The following PCDHA9 variants were observed in gnomAD, a reference collection of about 807,000 sequenced individuals.
PCDHA9 encodes the protein protocadherin alpha-9.
PCDHA9 carries 62 observed loss-of-function variants against 62.0 expected under a neutral mutation model. The ratio of observed to expected loss-of-function variants is 1.00; its 90% CI spans 0.81 to 1.23. The LOEUF (loss-of-function observed/expected upper bound fraction) is 1.23, where lower values mean the gene tolerates loss of function less well. Among genes scored for constraint, PCDHA9 ranks in the 50% most tolerant of loss-of-function variants. The probability of loss-of-function intolerance (pLI) is 0.00; values close to 1 mark genes in which losing one functional copy is unlikely to be tolerated. For synonymous variants in PCDHA9, 557 were observed against 567.6 expected, an observed-to-expected ratio of 0.98 and a Z score of 0.27; for missense variants, 1,205 against 1,249.8, an observed-to-expected ratio of 0.96 and a Z score of 0.54.
chr5:140,885,936 T>G (rs994325798), intron 1 of PCDHA9, among the ~76,000 whole-genome samples: 5 of 152,198 alleles, frequency 3.3e-5, no homozygotes, highest in Admixed American at 6.5e-5. Context: ...ATCTATTTTT[T>G]GACATTTTTA....
rs572273107 is a variant in PCDHA9, at chr5:140,941,410, G to A, written c.2395-37539G>A. 1.3e-4 allele frequency among the ~76,000 whole-genome samples: 19 copies of A among 147,656 alleles called. 1 individual carries two copies. In the South Asian group the frequency reaches 3.3e-3, roughly 26 times the overall value. ...TGGCTCACTGCAACCTCCGCCTCCC[G>A]GGTTCAAGCAATTCTCTGCCTCAGC... On this transcript the variant is annotated intron_variant, in intron 1 of 3. Transcript: ENST00000532602.
At chr5:140,977,263 TAC>T (rs1466968557) in intron 1 of PCDHA9, among the ~76,000 whole-genome samples, 4 of 152,230 alleles carry the variant, frequency 2.6e-5, no homozygotes, top group Admixed American at 1.3e-4. Flanking sequence ...CAGCAGATGT[TAC>T]AGTCTTTCTC....
In PCDHA9 at chr5:140,893,407, C is replaced by T. The variant is rs782798159; in HGVS notation, c.2394+42518C>T. Among the ~76,000 whole-genome samples, 300 of 152,168 alleles carry T rather than the reference C, an allele frequency of 2.0e-3. 2 individuals are homozygous for T. The highest frequency in any genetic ancestry group is 3.7e-3 in the Non-Finnish European group (250 of 67,998). The stretch of plus-strand genomic sequence containing the variant: ...GTGGCTCATGCCTGTAATCCCAGCA[C>T]TTAGGGAGGCAGAGGCAGGAAGATC... On this transcript the variant is annotated intron_variant, in intron 1 of 3. Transcript: ENST00000532602.
chr5:140,864,192 T>A (rs528891456), intron 1 of PCDHA9: 1 of 152,324 alleles, frequency 6.6e-6, no homozygotes, highest in Admixed American at 6.5e-5. Flanking sequence ...TAATGATCCT[T>A]ATGAGAAGGT....
Position 140,856,421 on chromosome 5 carries a change from A to T in PCDHA9, c.2394+5532A>T, listed in dbSNP as rs1554148675. 3.8e-6 allele frequency: 6 copies of T among 1,598,490 alleles called. No individual in the cohort carries two copies. In the South Asian group the frequency reaches 6.6e-5, roughly 18 times the overall value. On this transcript the variant is annotated intron_variant, in intron 1 of 3. Coordinates refer to ENST00000532602, the MANE Select transcript of PCDHA9 (RefSeq NM_031857.2). ...CCATGTGGACGTGGAAGTGAAGGACATTAACGACAACCCGCCCAGGTTCTC... is the reference window on the plus strand; with the variant it reads ...CCATGTGGACGTGGAAGTGAAGGACTTTAACGACAACCCGCCCAGGTTCTC...
chr5:140,858,167 A>G, intron 1 of PCDHA9: 2 of 1,597,724 alleles, frequency 1.3e-6, no homozygotes, highest in Non-Finnish European at 1.7e-6. Flanking sequence ...CGCGGTGTCC[A>G]GCTTGCTGGT....
chr5:140,949,656 GT>G (rs782242887), intron 1 of PCDHA9, among the ~76,000 whole-genome samples: 5 of 151,274 alleles, frequency 3.3e-5, no homozygotes, highest in Non-Finnish European at 7.4e-5. Context: ...TTTTACTTTT[GT>G]TTCTTTAAAG....
In PCDHA9 at chr5:140,848,711, G is replaced by A. The variant is rs2150418509; in HGVS notation, c.216G>A (p.Gly72=). Residue 72 remains glycine, a synonymous_variant, in exon 1 of 4, where the codon GGG becomes GGA. Coordinates refer to ENST00000532602, the MANE Select transcript of PCDHA9 (RefSeq NM_031857.2). ...TCCAGTTGGATTCCAAAGGCCGCGG[G>A]GACCTTCTGGAGGTAAATCTGCAGA... ...RLFQLDSKGR[G]DLLEVNLQNG... The A allele has an allele frequency of 8.8e-6, 14 of 1,592,432 alleles. No individual in the cohort carries two copies. The highest frequency in any genetic ancestry group is 1.2e-5 in the Non-Finnish European group (14 of 1,163,302).
At chr5:140,892,553 C>T (rs2063570808) in intron 1 of PCDHA9, among the ~76,000 whole-genome samples, 1 of 152,170 alleles carries the variant, frequency 6.6e-6, no homozygotes, top group South Asian at 2.1e-4. Flanking sequence ...TTTCTCTAGT[C>T]CTTGGAGACT....
At chr5:140,928,319 A>AGAAT (rs1554205765) in intron 1 of PCDHA9, 1 of 1,614,082 alleles carries the variant, frequency 6.2e-7, no homozygotes, top group Non-Finnish European at 8.5e-7. Flanking sequence ...GACCTGGGGA[A>AGAAT]GAATGGCCTT....
At chr5:140,875,667 G>A (rs376967983) in intron 1 of PCDHA9, 10 of 1,613,820 alleles carry the variant, frequency 6.2e-6, no homozygotes, top group East Asian at 4.5e-5. Flanking sequence ...GCCTGTTCCG[G>A]GTGGCGTCCA....
intron 1 of PCDHA9, among the ~76,000 whole-genome samples, chr5:140,921,646 G>T (rs957810883): frequency 6.6e-6 from 1 of 152,124 alleles, no homozygotes; most frequent in Admixed American, 6.5e-5. Context: ...GCTATTTTAA[G>T]GGAACTTAAT....
chr5:140,925,427 G>A (rs1394500937), intron 1 of PCDHA9, among the ~76,000 whole-genome samples: 2 of 152,012 alleles, frequency 1.3e-5, no homozygotes, highest in Non-Finnish European at 2.9e-5. Context: ...CTGGTTGTAG[G>A]GTGTTAGGCA....
chr5:140,934,704 T>C (rs185443398), intron 1 of PCDHA9, among the ~76,000 whole-genome samples: 134 of 152,288 alleles, frequency 8.8e-4, no homozygotes, highest in Non-Finnish European at 1.6e-3. Context: ...TTCCTGGCCA[T>C]CTTACAAAAA....
chr5:141,002,166 G>A (rs1212034616), intron 3 of PCDHA9, among the ~76,000 whole-genome samples: 1 of 152,234 alleles, frequency 6.6e-6, no homozygotes, highest in Non-Finnish European at 1.5e-5. Context: ...TGGGCGGTAG[G>A]CAGGCTCCAG....
chr5:140,884,573 C>T, intron 1 of PCDHA9: 1 of 1,614,170 alleles, frequency 6.2e-7, no homozygotes, highest in Non-Finnish European at 8.5e-7. Flanking sequence ...TAAGACGGAC[C>T]TCATGGCCTT....
rs1031755500 is a variant in PCDHA9 at position 140,856,096 on chromosome 5, G to A, written c.2394+5207G>A. 31 of 1,597,342 alleles carry A rather than the reference G, an allele frequency of 1.9e-5. 3 individuals are homozygous for A. The Admixed American group carries it at 5.2e-4, about 27-fold the overall frequency. On this transcript the variant is annotated intron_variant, in intron 1 of 3. Transcript: ENST00000532602. ...TGGGGGTCCAGTGTCTGCTGCTCTCGCTTCTTCTCCTCGCAGCCTGGGAGG... is the reference window on the plus strand; with the variant it reads ...TGGGGGTCCAGTGTCTGCTGCTCTCACTTCTTCTCCTCGCAGCCTGGGAGG...
chr5:140,918,549 T>C (rs1313720970), intron 1 of PCDHA9, among the ~76,000 whole-genome samples: 3 of 152,222 alleles, frequency 2.0e-5, no homozygotes, highest in Non-Finnish European at 2.9e-5. Flanking sequence ...CCATGTGCAA[T>C]TGAGAAGAAT....
intron 3 of PCDHA9, among the ~76,000 whole-genome samples, chr5:140,996,311 G>T (rs191577867): frequency 2.6e-5 from 4 of 152,184 alleles, no homozygotes; most frequent in African/African-American, 7.2e-5. Context: ...ACAAAGTAAG[G>T]GGGGAGGGTA....
Sources: gnomAD v4.1 joint callset for allele counts (sites outside exome capture counted in the v4.1 genomes callset) on GRCh38, gnomAD v4.1.1 for gene constraint, MANE v1.5 for transcripts, NCBI Gene and HGNC (gene_info 2026-07-23, HGNC 2026-07-21) for gene names.